CNTNAP2: variants seen among roughly 807,000 people sequenced by gnomAD.
The protein encoded by CNTNAP2 is contactin associated protein 2.
Under a neutral mutation model 155.2 loss-of-function variants are expected in CNTNAP2, and 98 were observed. That is an observed-to-expected ratio of 0.63 (90% CI 0.54 to 0.75). CNTNAP2 has a LOEUF of 0.75. CNTNAP2 is among the 30% of genes least tolerant of loss of function. The probability of loss-of-function intolerance (pLI) is 0.00; values close to 1 mark genes in which losing one functional copy is unlikely to be tolerated. For synonymous variants in CNTNAP2, 651 were observed against 631.2 expected, an observed-to-expected ratio of 1.03 and a Z score of -0.47; for missense variants, 1,727 against 1,688.1, an observed-to-expected ratio of 1.02 and a Z score of -0.40.
At chr7:146,922,314 T>C (rs894617631) in intron 3 of CNTNAP2, among the ~76,000 whole-genome samples, 2 of 151,798 alleles carry the variant, frequency 1.3e-5, no homozygotes, top group African/African-American at 4.8e-5. Context: ...TAGGACAAAA[T>C]TGATTTTGCT....
At chr7:146,835,939 C>T (rs927338990) in intron 2 of CNTNAP2, among the ~76,000 whole-genome samples, 1 of 152,038 alleles carries the variant, frequency 6.6e-6, no homozygotes, top group Non-Finnish European at 1.5e-5. Flanking sequence ...TTTTTATAGC[C>T]CCAGGTTGAC....
intron 1 of CNTNAP2, among the ~76,000 whole-genome samples, chr7:146,683,982 A>G (rs1003633512): frequency 6.6e-6 from 1 of 152,138 alleles, no homozygotes; most frequent in Admixed American, 6.5e-5. Context: ...TTTTCCCAAG[A>G]TCTGTCTCTC....
chr7:148,165,796 A>G (rs1805645236), intron 17 of CNTNAP2, among the ~76,000 whole-genome samples: 1 of 151,918 alleles, frequency 6.6e-6, no homozygotes, highest in African/African-American at 2.4e-5. Flanking sequence ...TCGTGCAGCT[A>G]TTTGTGATCA....
At chr7:147,968,490 T>C (rs1801266260) in intron 14 of CNTNAP2, among the ~76,000 whole-genome samples, 1 of 152,124 alleles carries the variant, frequency 6.6e-6, no homozygotes, top group Non-Finnish European at 1.5e-5. Flanking sequence ...AAGGACACTA[T>C]GAGAAACATT....
intron 3 of CNTNAP2, chr7:146,915,927 T>C (rs1796384638): frequency 6.6e-6 from 1 of 152,084 alleles, no homozygotes; most frequent in Non-Finnish European, 1.5e-5. Context: ...TCAGCTTTTA[T>C]CCATTCAGTA....
chr7:148,414,990 T>C (rs78078006), intron 23 of CNTNAP2: 6,509 of 301,584 alleles, frequency 0.022, 421 homozygotes, highest in African/African-American at 0.13. Context: ...GCGCCCACTC[T>C]ATCTCCCCTC....
chr7:146,379,068 A>T (rs1795344940), intron 1 of CNTNAP2, among the ~76,000 whole-genome samples: 1 of 152,238 alleles, frequency 6.6e-6, no homozygotes, highest in African/African-American at 2.4e-5. Flanking sequence ...CCCACAAGGC[A>T]CAGTGTGTGT....
chr7:148,317,938 C>G (rs148058155), intron 21 of CNTNAP2, among the ~76,000 whole-genome samples: 9 of 152,212 alleles, frequency 5.9e-5, no homozygotes, highest in Admixed American at 5.2e-4. Flanking sequence ...AACTCGGCCT[C>G]CCAAAGTGCT....
At position 147,733,606 on chromosome 7, in the gene CNTNAP2, G is replaced by T. The variant is rs543400020; in HGVS notation, c.2098+94300G>T. ...TGGCATTGAATCTATAAATTACCTTGGGCAATATGGCCATTTTCATGATAT... is the reference window on the plus strand; with the variant it reads ...TGGCATTGAATCTATAAATTACCTTTGGCAATATGGCCATTTTCATGATAT... On this transcript the variant is annotated intron_variant, in intron 13 of 23. Transcript: ENST00000361727. Among the ~76,000 whole-genome samples the T allele has an allele frequency of 6.0e-3, 917 of 152,164 alleles. 10 individuals carry two copies. The highest frequency in any genetic ancestry group is 0.021 in the African/African-American group (881 of 41,494).
At chr7:148,158,915 G>GAA (rs1298765919) in intron 17 of CNTNAP2, among the ~76,000 whole-genome samples, 2 of 152,184 alleles carry the variant, frequency 1.3e-5, no homozygotes, top group Admixed American at 1.3e-4. Context: ...CTGTCCCACA[G>GAA]AAAAAGATTG....
At chr7:146,325,597 TACAC>T (rs200025355) in intron 1 of CNTNAP2, among the ~76,000 whole-genome samples, 1 of 151,386 alleles carries the variant, frequency 6.6e-6, no homozygotes, top group South Asian at 2.1e-4. Context: ...CGCCCCCCTA[TACAC>T]ACACACACAT....
At position 146,960,424 on chromosome 7, in the gene CNTNAP2, T is replaced by A. The variant is rs1010834088; in HGVS notation, c.403-83483T>A. 4.6e-5 allele frequency among the ~76,000 whole-genome samples: 7 copies of A among 152,316 alleles called. No individual in the cohort carries two copies. The South Asian group carries it at 1.2e-3, about 27-fold the overall frequency. ...TAAGCAGGCTCTGGGTTTCCTGTAC[T>A]TTTCTGTGCAGTGCCTGTGCTGATT... On this transcript the variant is annotated intron_variant, in intron 3 of 23. Coordinates refer to ENST00000361727, the MANE Select transcript of CNTNAP2 (RefSeq NM_014141.6).
chr7:147,710,554 T>A (rs940738096), intron 13 of CNTNAP2, among the ~76,000 whole-genome samples: 1 of 152,216 alleles, frequency 6.6e-6, no homozygotes, highest in Non-Finnish European at 1.5e-5. Flanking sequence ...CTAATTTGAC[T>A]CTTTTTCCCT....
intron 1 of CNTNAP2, among the ~76,000 whole-genome samples, chr7:146,470,939 C>G (rs1024560113): frequency 1.3e-5 from 2 of 151,980 alleles, no homozygotes; most frequent in Non-Finnish European, 2.9e-5. Flanking sequence ...TAAGAGTAAG[C>G]CTTACTAACA....
chr7:148,042,903 A>G (rs1002279610), intron 15 of CNTNAP2, among the ~76,000 whole-genome samples: 1 of 152,190 alleles, frequency 6.6e-6, no homozygotes, highest in Non-Finnish European at 1.5e-5. Flanking sequence ...CAGTCTCAAA[A>G]ATGTTGTGGT....
chr7:146,553,201 CAA>C (rs1798146829), intron 1 of CNTNAP2, among the ~76,000 whole-genome samples: 1 of 151,972 alleles, frequency 6.6e-6, no homozygotes, highest in South Asian at 2.1e-4. Flanking sequence ...GAAATTATGA[CAA>C]TATTTGAAAT....
At chr7:146,911,411 G>A (rs928881729) in intron 3 of CNTNAP2, among the ~76,000 whole-genome samples, 1 of 151,982 alleles carries the variant, frequency 6.6e-6, no homozygotes, top group Non-Finnish European at 1.5e-5. Flanking sequence ...CAACCCAAAT[G>A]TCCAACAATG....
At chr7:146,751,737 A>G (rs1418772044) in intron 1 of CNTNAP2, among the ~76,000 whole-genome samples, 1 of 151,956 alleles carries the variant, frequency 6.6e-6, no homozygotes, top group African/African-American at 2.4e-5. Flanking sequence ...TTTAAGCCCC[A>G]CATGCGTTAG....
At chr7:147,776,266 T>G (rs924981595) in intron 13 of CNTNAP2, among the ~76,000 whole-genome samples, 3 of 96,672 alleles carry the variant, frequency 3.1e-5, no homozygotes, top group Non-Finnish European at 5.4e-5. Context: ...AATGGCTGGG[T>G]TTTTTTTTTT....
Sources: gnomAD v4.1 joint callset for allele counts (sites outside exome capture counted in the v4.1 genomes callset) on GRCh38, gnomAD v4.1.1 for gene constraint, MANE v1.5 for transcripts, NCBI Gene and HGNC (gene_info 2026-07-23, HGNC 2026-07-21) for gene names.